Variants in GRID2 observed in about 807,000 individuals in gnomAD.
GRID2 encodes glutamate ionotropic receptor delta type subunit 2, also known as glutamate receptor ionotropic, delta-2.
GRID2 carries 33 observed loss-of-function variants against 114.8 expected under a neutral mutation model. The ratio of observed to expected loss-of-function variants is 0.29; its 90% CI spans 0.22 to 0.38. The LOEUF is 0.38. Among genes scored for constraint, GRID2 ranks in the 10% least tolerant of loss-of-function variants. The pLI is 1.00. For synonymous variants in GRID2, 505 were observed against 449.9 expected, an observed-to-expected ratio of 1.12 and a Z score of -1.55; for missense variants, 1,184 against 1,257.7, an observed-to-expected ratio of 0.94 and a Z score of 0.89.
chr4:92,338,102 T>A (rs1052300176), intron 1 of GRID2, among the ~76,000 whole-genome samples: 2 of 152,122 alleles, frequency 1.3e-5, no homozygotes, highest in Admixed American at 6.6e-5. Context: ...GTATTAAGCC[T>A]TGGGACATGG....
At chr4:93,792,098 A>G (rs936143513) in intron 1 of GRID2, among the ~76,000 whole-genome samples, 3 of 152,212 alleles carry the variant, frequency 2.0e-5, no homozygotes, top group African/African-American at 7.2e-5. Context: ...AAAAATGAAA[A>G]GAAATGGAAA....
intron 1 of GRID2, among the ~76,000 whole-genome samples, chr4:92,330,756 T>A (rs1487880872): frequency 6.6e-6 from 1 of 152,012 alleles, no homozygotes; most frequent in Non-Finnish European, 1.5e-5. Context: ...TATAATCATA[T>A]AGCCTGTGAA....
chr4:92,441,490 A>G (rs1194837679), intron 1 of GRID2, among the ~76,000 whole-genome samples: 1 of 152,096 alleles, frequency 6.6e-6, no homozygotes, highest in Non-Finnish European at 1.5e-5. Flanking sequence ...GCAGGTATTG[A>G]GGATAGGAGA....
chr4:93,316,956 T>C (rs1370490587), intron 8 of GRID2, among the ~76,000 whole-genome samples: 1 of 152,140 alleles, frequency 6.6e-6, no homozygotes, highest in African/African-American at 2.4e-5. Flanking sequence ...ACATATGCAT[T>C]CCTTACTAAG....
intron 2 of GRID2, among the ~76,000 whole-genome samples, chr4:92,743,774 T>A (rs1404144315): frequency 6.6e-6 from 1 of 152,180 alleles, no homozygotes; most frequent in African/African-American, 2.4e-5. Context: ...GCTACTTGTA[T>A]CTCATCTGCT....
intron 2 of GRID2, among the ~76,000 whole-genome samples, chr4:92,639,476 G>T (rs1048462378): frequency 6.6e-6 from 1 of 151,666 alleles, no homozygotes; most frequent in Non-Finnish European, 1.5e-5. Flanking sequence ...TGCTATAAAC[G>T]TTAGACTTAA....
intron 2 of GRID2, among the ~76,000 whole-genome samples, chr4:92,895,610 G>A (rs1438589064): frequency 6.6e-6 from 1 of 151,630 alleles, no homozygotes; most frequent in African/African-American, 2.4e-5. Flanking sequence ...TGTCTTCTGT[G>A]CTTAAAAAAT....
chr4:92,915,356 C>T (rs1198586920), intron 2 of GRID2, among the ~76,000 whole-genome samples: 2 of 152,124 alleles, frequency 1.3e-5, no homozygotes, highest in South Asian at 2.1e-4. Context: ...ATAGGGCTTA[C>T]TTGGGGCAAG....
intron 2 of GRID2, among the ~76,000 whole-genome samples, chr4:92,732,465 A>G (rs545835806): frequency 6.6e-6 from 1 of 152,176 alleles, no homozygotes; most frequent in African/African-American, 2.4e-5. Context: ...TCCCAGGTAA[A>G]TCAGCACTTG....
chr4:92,874,006 G>A lies in GRID2; in HGVS notation c.245-210989G>A, dbSNP rs1477351436. On this transcript the variant is annotated intron_variant, in intron 2 of 15. Transcript: ENST00000282020. ...TGGGATTACAGGTGTCAGCCACTGC[G>A]CCCGGCCTCCTCTAATTCTTATTAA... Among the ~76,000 whole-genome samples, 7 of 152,148 alleles carry A rather than the reference G, an allele frequency of 4.6e-5. No individual in the cohort carries two copies. In the East Asian group the frequency reaches 5.8e-4, roughly 13 times the overall value.
chr4:92,460,264 A>C (rs1450622271), intron 1 of GRID2, among the ~76,000 whole-genome samples: 2 of 151,700 alleles, frequency 1.3e-5, no homozygotes, highest in South Asian at 4.2e-4. Flanking sequence ...TAATGGGGTC[A>C]GCAGATATTC....
intron 1 of GRID2, among the ~76,000 whole-genome samples, chr4:92,508,713 G>T (rs929310980): frequency 3.3e-5 from 5 of 151,936 alleles, no homozygotes; most frequent in Admixed American, 1.3e-4. Context: ...GTCTGAGTAA[G>T]GAGGTTGGAT....
At chr4:92,850,130 CAA>C (rs1230269709) in intron 2 of GRID2, among the ~76,000 whole-genome samples, 1 of 151,084 alleles carries the variant, frequency 6.6e-6, no homozygotes, top group Admixed American at 6.6e-5. Flanking sequence ...AAAAGATCTA[CAA>C]AGTTTATCAG....
At chr4:93,748,669 ATCTTTTTTCTTT>A (rs1327486549) in intron 14 of GRID2, among the ~76,000 whole-genome samples, 1 of 148,662 alleles carries the variant, frequency 6.7e-6, no homozygotes, top group Non-Finnish European at 1.5e-5. Flanking sequence ...TGCCCTATGG[ATCTTTTTTCTTT>A]TCTTTAATTT....
At chr4:92,824,423 C>T (rs1359068721) in intron 2 of GRID2, among the ~76,000 whole-genome samples, 1 of 151,904 alleles carries the variant, frequency 6.6e-6, no homozygotes, top group Non-Finnish European at 1.5e-5. Context: ...CCTGTGACAC[C>T]CTTTTTTGCT....
At chr4:93,029,804 C>T (rs1191058445) in intron 2 of GRID2, among the ~76,000 whole-genome samples, 2 of 152,000 alleles carry the variant, frequency 1.3e-5, no homozygotes, top group Admixed American at 6.6e-5. Context: ...GAAAAATTGC[C>T]TGATTAGCTT....
At chr4:93,282,405 G>A in intron 8 of GRID2, 1 of 447,968 alleles carries the variant, frequency 2.2e-6, no homozygotes, top group Non-Finnish European at 4.5e-6. Context: ...TCAAGATCAA[G>A]GAGTCTGCAT....
At chr4:93,200,679 G>A (rs1742009928) in intron 4 of GRID2, among the ~76,000 whole-genome samples, 1 of 152,178 alleles carries the variant, frequency 6.6e-6, no homozygotes, top group African/African-American at 2.4e-5. Flanking sequence ...CCTCTGTCGT[G>A]CTCTCTGTAG....
chr4:93,803,396 G>A (rs982570426), intron 1 of GRID2, among the ~76,000 whole-genome samples: 5 of 152,174 alleles, frequency 3.3e-5, no homozygotes, highest in South Asian at 2.1e-4. Context: ...TGAATGTTGC[G>A]AGTCATGGTC....
Sources: allele counts gnomAD v4.1 joint callset (sites outside exome capture counted in the v4.1 genomes callset), GRCh38; gene constraint gnomAD v4.1.1; transcripts MANE v1.5; gene names NCBI Gene and HGNC (gene_info 2026-07-23, HGNC 2026-07-21).